The following TAOK1 variants were observed in gnomAD, a reference collection of about 807,000 sequenced individuals.
The protein encoded by TAOK1 is TAO kinase 1.
Under a neutral mutation model 138.3 loss-of-function variants are expected in TAOK1, and 21 were observed. That is an observed-to-expected ratio of 0.15 (90% CI 0.11 to 0.22). The LOEUF (loss-of-function observed/expected upper bound fraction) is 0.22. TAOK1 is among the 10% of genes least tolerant of loss of function. The pLI is 1.00. For synonymous variants in TAOK1, 361 were observed against 398.4 expected (o/e 0.91, Z 1.12); for missense variants, 651 against 1,227.7 (o/e 0.53, Z 7.02).
At chr17:29,435,489 A>G (rs1905997557) in intron 1 of TAOK1, among the ~76,000 whole-genome samples, 1 of 152,170 alleles carries the variant, frequency 6.6e-6, no homozygotes, top group East Asian at 1.9e-4. Context: ...TCTATTCCCC[A>G]AGGAATCTCA....
intron 5 of TAOK1, among the ~76,000 whole-genome samples, chr17:29,477,966 TCAAACCAAAGA>T (rs2030981903): frequency 6.6e-6 from 1 of 152,146 alleles, no homozygotes; most frequent in Non-Finnish European, 1.5e-5. Context: ...CTCCTCTTGT[TCAAACCAAAGA>T]TAAGTGAGAA....
chr17:29,412,440 C>CCATTCAAGTCCTCTTG (rs1905170649), intron 1 of TAOK1, among the ~76,000 whole-genome samples: 1 of 152,118 alleles, frequency 6.6e-6, no homozygotes, highest in African/African-American at 2.4e-5. Flanking sequence ...TTTTCTCTGT[C>CCATTCAAGTCCTCTTG]CATTCAAGTC....
Position 29,542,009 on chromosome 17 carries a change from G to A in TAOK1, c.2545-552G>A, listed in dbSNP as rs186441397. On this transcript the variant is annotated intron_variant, in intron 19 of 19. Coordinates refer to ENST00000261716, the MANE Select transcript of TAOK1 (RefSeq NM_020791.4). ...CCTGCCTCAGCCTCCTGAGTAGCTG[G>A]GACTACAGGGGCCCGCCACCACCAT... Among the ~76,000 whole-genome samples, 825 of 151,824 alleles carry A rather than the reference G, an allele frequency of 5.4e-3. 6 individuals are homozygous for A. Among genetic ancestry groups the A allele is most frequent in the African/African-American group, 0.02 (810 of 41,418 alleles).
At chr17:29,468,350 T>G (rs1030354724) in intron 3 of TAOK1, among the ~76,000 whole-genome samples, 1 of 151,634 alleles carries the variant, frequency 6.6e-6, no homozygotes, top group Non-Finnish European at 1.5e-5. Flanking sequence ...TTGGCCAGAC[T>G]GTTCTCGAAC....
chr17:29,457,089 CTTTTTTT>C (rs548221652), intron 2 of TAOK1, among the ~76,000 whole-genome samples: 12 of 107,408 alleles, frequency 1.1e-4, no homozygotes, highest in African/African-American at 4.2e-4. Context: ...TTTTCTTTTT[CTTTTTTT>C]TTTTTTTTTT....
At chr17:29,396,518 G>A (rs569747135) in intron 1 of TAOK1, among the ~76,000 whole-genome samples, 4 of 152,234 alleles carry the variant, frequency 2.6e-5, no homozygotes, top group African/African-American at 9.6e-5. Flanking sequence ...AAGCTGAGAA[G>A]GGGCTAATTT....
intron 19 of TAOK1, among the ~76,000 whole-genome samples, chr17:29,540,716 A>T (rs1026020033): frequency 6.6e-6 from 1 of 152,124 alleles, no homozygotes; most frequent in Non-Finnish European, 1.5e-5. Flanking sequence ...GATTACAGGC[A>T]TGTGCCACCA....
chr17:29,424,302 T>G (rs1185564168), intron 1 of TAOK1, among the ~76,000 whole-genome samples: 1 of 151,492 alleles, frequency 6.6e-6, no homozygotes, highest in Non-Finnish European at 1.5e-5. Context: ...CCAGGCATGG[T>G]GGCGGGTGCC....
chr17:29,453,808 T>G (rs113926613), intron 2 of TAOK1, among the ~76,000 whole-genome samples: 70 of 144,960 alleles, frequency 4.8e-4, no homozygotes, highest in Admixed American at 1.4e-3. Flanking sequence ...TAGGTTTTTT[T>G]GTTTTTTTTT....
intron 1 of TAOK1, among the ~76,000 whole-genome samples, chr17:29,443,124 T>C (rs1433579521): frequency 6.6e-6 from 1 of 152,198 alleles, no homozygotes; most frequent in Non-Finnish European, 1.5e-5. Flanking sequence ...ATTGGCTGTT[T>C]TCTAAGCCTG....
intron 13 of TAOK1, among the ~76,000 whole-genome samples, chr17:29,507,234 G>A (rs2031644446): frequency 6.7e-6 from 1 of 149,018 alleles, no homozygotes; most frequent in Non-Finnish European, 1.5e-5. Flanking sequence ...TTTATGTCTT[G>A]TATTTTATCT....
intron 1 of TAOK1, among the ~76,000 whole-genome samples, chr17:29,401,378 G>A (rs902197440): frequency 2.6e-5 from 4 of 152,272 alleles, no homozygotes; most frequent in South Asian, 2.1e-4. Context: ...CAATCATAGC[G>A]GAAGTGGAAG....
At chr17:29,520,763 C>T (rs565755227) in intron 16 of TAOK1, among the ~76,000 whole-genome samples, 3 of 151,030 alleles carry the variant, frequency 2.0e-5, no homozygotes, top group South Asian at 2.1e-4. Flanking sequence ...TAGTGGCTCA[C>T]GCCTGTAATC....
Position 29,477,686 on chromosome 17 carries a change from C to A in TAOK1, c.332C>A (p.Ser111Tyr). 1 of 1,411,102 alleles carries A rather than the reference C, an allele frequency of 7.1e-7. No homozygotes were observed. Among genetic ancestry groups the A allele is most frequent in the Non-Finnish European group, 9.3e-7 (1 of 1,071,342 alleles). The allele number at this position is 1,411,102 out of a possible 1,614,324, so 87.4% of individuals were successfully genotyped here. The change falls in exon 5 of 20, where the codon TCT (serine) becomes TAT (tyrosine). Residue 111 changes from serine to tyrosine, a missense_variant. By Grantham distance (144) the Ser-to-Tyr change is moderately radical. Coordinates refer to ENST00000261716, the MANE Select transcript of TAOK1 (RefSeq NM_020791.4). Reference sequence around the variant, plus strand: ...CTTGTAATGGAATATTGTTTAGGATCTGCTTCGGATTTACTAGAAGGTAAG... The same window carrying A: ...CTTGTAATGGAATATTGTTTAGGATATGCTTCGGATTTACTAGAAGGTAAG... ...AWLVMEYCLG[S>Y]ASDLLEVHKK...
intron 1 of TAOK1, among the ~76,000 whole-genome samples, chr17:29,449,187 G>GATTAATTGAAA (rs1439630473): frequency 6.6e-6 from 1 of 151,988 alleles, no homozygotes; most frequent in Non-Finnish European, 1.5e-5. Context: ...TTAATAGTTT[G>GATTAATTGAAA]ATTAATTGAA....
intron 13 of TAOK1, among the ~76,000 whole-genome samples, chr17:29,506,839 A>G (rs1198329048): frequency 6.6e-6 from 1 of 152,202 alleles, no homozygotes; most frequent in African/African-American, 2.4e-5. Context: ...CAAAAGATGG[A>G]AAGAACACAA....
At chr17:29,448,044 C>A (rs945773516) in intron 1 of TAOK1, among the ~76,000 whole-genome samples, 2 of 107,926 alleles carry the variant, frequency 1.9e-5, no homozygotes, top group African/African-American at 7.1e-5. Context: ...TTTTTGGTAT[C>A]TTTTACTGTG....
intron 3 of TAOK1, among the ~76,000 whole-genome samples, chr17:29,471,542 G>T (rs1337089559): frequency 6.6e-6 from 1 of 151,886 alleles, no homozygotes; most frequent in African/African-American, 2.4e-5. Flanking sequence ...CTCCCAAAGT[G>T]CTGGAATTAC....
At chr17:29,491,581 GA>G (rs2031295986) in intron 9 of TAOK1, among the ~76,000 whole-genome samples, 1 of 152,052 alleles carries the variant, frequency 6.6e-6, no homozygotes. Flanking sequence ...TAATCTGTGT[GA>G]ATTTATCTTT....
Sources: gnomAD v4.1 joint callset for allele counts (sites outside exome capture counted in the v4.1 genomes callset) on GRCh38, gnomAD v4.1.1 for gene constraint, MANE v1.5 for transcripts, NCBI Gene and HGNC (gene_info 2026-07-23, HGNC 2026-07-21) for gene names.